The following GLB1 variants were observed in gnomAD, a reference collection of about 807,000 sequenced individuals.
GLB1 encodes beta-galactosidase.
In GLB1, 56 loss-of-function variants were observed where a neutral mutation model predicts 74.0. That is an observed-to-expected ratio of 0.76 (90% confidence interval 0.61 to 0.94). The LOEUF (loss-of-function observed/expected upper bound fraction) is 0.94. GLB1 is among the 40% of genes least tolerant of loss of function. GLB1 has a pLI of 0.00. For synonymous variants in GLB1, 323 were observed against 323.6 expected, an observed-to-expected ratio of 1.00 and a Z score of 0.02; for missense variants, 787 against 845.5, an observed-to-expected ratio of 0.93 and a Z score of 0.86.
intron 1 of GLB1, among the ~76,000 whole-genome samples, chr3:33,080,921 T>C (rs763883892): frequency 6.6e-6 from 1 of 152,198 alleles, no homozygotes; most frequent in African/African-American, 2.4e-5. Flanking sequence ...AAGAACCTTA[T>C]AGCTGGTGCT....
chr3:33,011,040 A>G (rs1382227684), intron 15 of GLB1, among the ~76,000 whole-genome samples: 1 of 152,028 alleles, frequency 6.6e-6, no homozygotes, highest in Non-Finnish European at 1.5e-5. Flanking sequence ...TATTTTTAGT[A>G]GAAATGGGGT....
chr3:33,094,209 A>G, intron 1 of GLB1: 1 of 1,582,582 alleles, frequency 6.3e-7, no homozygotes, highest in Non-Finnish European at 8.6e-7. Flanking sequence ...CTCTGCTCCT[A>G]GTAGGCTCCC....
intron 12 of GLB1, 47 bp downstream of exon 12, chr3:33,021,519 A>C: frequency 6.3e-7 from 1 of 1,593,988 alleles, no homozygotes; most frequent in Non-Finnish European, 8.6e-7. Flanking sequence ...CAGAAAGCAC[A>C]CTTTTGCAAG....
chr3:33,042,694 T>C (rs1446643536), intron 10 of GLB1, among the ~76,000 whole-genome samples: 1 of 152,176 alleles, frequency 6.6e-6, no homozygotes, highest in African/African-American at 2.4e-5. Context: ...CTTCATTTAC[T>C]GGGCTCCAGC....
chr3:33,014,165 T>C lies in GLB1; in HGVS notation c.1625A>G (p.Asn542Ser). Residue 542 changes from asparagine (N) to serine (S), a missense_variant, in exon 15 of 16, where the codon AAC becomes AGC. Asn to Ser is a conservative substitution (Grantham distance 46). Coordinates refer to ENST00000307363, the MANE Select transcript of GLB1 (RefSeq NM_000404.4). ...SGHHDEAWAH[N>S]SSNYTLPAFY... is the part of the protein sequence containing the mutation. ...GGCCGGGAGCGTGTAGTTGGATGAG[T>C]TGTGGGCCCAGGCTTCATCATGGTG... The C allele has an allele frequency of 1.2e-6, 2 of 1,613,830 alleles. No homozygotes were observed. The highest frequency in any genetic ancestry group is 2.2e-5 in the South Asian group (2 of 91,058).
the GLB1 span, among the ~76,000 whole-genome samples, chr3:32,969,601 C>T: frequency 8.7e-4 from 132 of 152,292 alleles, 2 homozygotes; most frequent in African/African-American, 2.7e-3. Flanking sequence ...ATTCCCCTCC[C>T]GGAGATCCCA....
intron 6 of GLB1, among the ~76,000 whole-genome samples, chr3:33,054,854 C>T (rs1053209545): frequency 6.6e-6 from 1 of 152,184 alleles, no homozygotes; most frequent in African/African-American, 2.4e-5. Flanking sequence ...AAAGAGGAAG[C>T]ATGAGCAGTG....
chr3:33,079,687 G>T (rs1018697596), intron 1 of GLB1, among the ~76,000 whole-genome samples: 2 of 152,190 alleles, frequency 1.3e-5, no homozygotes, highest in African/African-American at 4.8e-5. Flanking sequence ...CGCAGCTCTG[G>T]AGAGTATGTA....
intron 10 of GLB1, among the ~76,000 whole-genome samples, chr3:33,040,241 T>C (rs1024919902): frequency 2.0e-5 from 3 of 152,104 alleles, no homozygotes; most frequent in African/African-American, 2.4e-5. Flanking sequence ...ACTGCTTCTG[T>C]AGTACAAAAA....
chr3:33,058,672 C>T (rs1699320507), intron 5 of GLB1, among the ~76,000 whole-genome samples: 1 of 152,154 alleles, frequency 6.6e-6, no homozygotes, highest in Non-Finnish European at 1.5e-5. Context: ...ATAATCACTG[C>T]AAGCATTTTA....
At chr3:33,023,801 A>T (rs1446150672) in intron 11 of GLB1, among the ~76,000 whole-genome samples, 2 of 152,222 alleles carry the variant, frequency 1.3e-5, no homozygotes, top group African/African-American at 4.8e-5. Context: ...CATAAAAATT[A>T]GGACATGACT....
intron 10 of GLB1, among the ~76,000 whole-genome samples, chr3:33,025,941 G>A (rs1697729620): frequency 6.6e-6 from 1 of 152,226 alleles, no homozygotes; most frequent in African/African-American, 2.4e-5. Flanking sequence ...AAAGGGTGCA[G>A]CAGGAAGGAG....
intron 4 of GLB1, 59 bp from the exon 5 acceptor site, chr3:33,065,616 C>A: frequency 6.5e-7 from 1 of 1,537,544 alleles, no homozygotes; most frequent in Non-Finnish European, 8.8e-7. Flanking sequence ...AAGCCACATG[C>A]AGCCCAGGAT....
intron 1 of GLB1, chr3:33,092,908 C>T: frequency 6.2e-7 from 1 of 1,614,178 alleles, no homozygotes; most frequent in African/African-American, 1.3e-5. Flanking sequence ...CCGTAGTAGG[C>T]TGTGCCTGGG....
intron 13 of GLB1, 115 bp downstream of exon 13, chr3:33,018,333 G>T: frequency 3.1e-6 from 2 of 654,286 alleles, no homozygotes; most frequent in Non-Finnish European, 2.7e-6. Context: ...AAGATGATGG[G>T]TAGAGCCTGA....
chr3:32,985,019 T>G, the GLB1 span, among the ~76,000 whole-genome samples: 2 of 148,852 alleles, frequency 1.3e-5, no homozygotes, highest in African/African-American at 5.0e-5. Context: ...GCAGGAGAAC[T>G]GCTTGAGCCC....
chr3:33,078,224 AC>A (rs1416868670), intron 1 of GLB1, among the ~76,000 whole-genome samples: 1 of 152,204 alleles, frequency 6.6e-6, no homozygotes, highest in Non-Finnish European at 1.5e-5. Context: ...AGCCTGGGTG[AC>A]AGAGAGGGAC....
the GLB1 span, among the ~76,000 whole-genome samples, chr3:32,988,185 C>CAAAAAAAAA: frequency 3.3e-5 from 2 of 60,428 alleles, no homozygotes; most frequent in Non-Finnish European, 6.4e-5. Context: ...GACTCCATCT[C>CAAAAAAAAA]AAAAAAAAAA....
At chr3:33,029,621 TA>T (rs2125487941) in intron 10 of GLB1, among the ~76,000 whole-genome samples, 1 of 152,086 alleles carries the variant, frequency 6.6e-6, no homozygotes, top group East Asian at 1.9e-4. Flanking sequence ...TATGCAGCCA[TA>T]AAAAAGAAAC....
Sources: gnomAD v4.1 joint callset for allele counts (sites outside exome capture counted in the v4.1 genomes callset) on GRCh38, gnomAD v4.1.1 for gene constraint, MANE v1.5 for transcripts, NCBI Gene and HGNC (gene_info 2026-07-23, HGNC 2026-07-21) for gene names.